Variants in TTC1 observed in about 807,000 individuals in gnomAD.
The protein encoded by TTC1 is tetratricopeptide repeat protein 1.
In TTC1, 31 loss-of-function variants were observed where a neutral mutation model predicts 37.6. The observed-to-expected ratio is 0.82, with a 90% CI of 0.62 to 1.11. The LOEUF is 1.11. Among genes scored for constraint, TTC1 ranks in the 50% most tolerant of loss-of-function variants. The pLI is 0.00. For synonymous variants in TTC1, 127 were observed against 122.4 expected, an observed-to-expected ratio of 1.04 and a Z score of -0.25; for missense variants, 351 against 339.0, an observed-to-expected ratio of 1.04 and a Z score of -0.28.
rs1420939525 is a variant in TTC1 at position 160,065,104 on chromosome 5, T to A, written c.*39T>A. On this transcript the variant is annotated 3_prime_UTR_variant, in exon 8 of 8. Coordinates refer to ENST00000231238, the MANE Select transcript of TTC1 (RefSeq NM_003314.3). ...AGCTTTACAAGCTGACTTGGAATTG[T>A]GTGCTGCTTGCTGTTAGCTAGGGGA... 1.9e-6 allele frequency: 3 copies of A among 1,596,266 alleles called. No homozygotes were observed. The East Asian group carries it at 6.7e-5, about 36-fold the overall frequency.
chr5:160,017,629 C>T (rs531279688), intron 2 of TTC1, among the ~76,000 whole-genome samples: 85 of 152,290 alleles, frequency 5.6e-4, no homozygotes, highest in African/African-American at 2.0e-3. Flanking sequence ...ATAAGAAAAT[C>T]GCCTTTTATG....
chr5:160,029,481 C>CAAA (rs61227502), intron 2 of TTC1, among the ~76,000 whole-genome samples: 11,955 of 79,612 alleles, frequency 0.15, 721 homozygotes, highest in Admixed American at 0.24. Context: ...CCCATCTCTA[C>CAAA]AAAAAAAAAA....
intron 5 of TTC1, among the ~76,000 whole-genome samples, chr5:160,046,929 T>C (rs569030221): frequency 1.3e-5 from 2 of 152,066 alleles, no homozygotes; most frequent in African/African-American, 4.8e-5. Flanking sequence ...GGAGAATCAC[T>C]TGAACCTGGG....
rs1486641694 is a variant in TTC1 at position 160,043,172 on chromosome 5, A to T, written c.541+3A>T. ...GGCCATCAATGACTGCAGCAAAGGT[A>T]CAGCTTTATTATCTTATTACATGTT... On this transcript the variant is annotated splice_donor_region_variant and intron_variant, in intron 5 of 7. Transcript: ENST00000231238. 6.2e-7 allele frequency: 1 copy of T among 1,613,580 alleles called. No individual in the cohort carries two copies.
chr5:160,045,809 C>G (rs1433050138), intron 5 of TTC1, among the ~76,000 whole-genome samples: 2 of 152,026 alleles, frequency 1.3e-5, no homozygotes, highest in Non-Finnish European at 2.9e-5. Flanking sequence ...GTGGTGCCAT[C>G]TTGGCTCACT....
At chr5:160,053,801 C>T (rs1757471228) in intron 7 of TTC1, among the ~76,000 whole-genome samples, 1 of 152,160 alleles carries the variant, frequency 6.6e-6, no homozygotes, top group Admixed American at 6.6e-5. Flanking sequence ...TATTCTTTAA[C>T]TTGTTTTTTC....
At chr5:160,051,301 C>A in intron 7 of TTC1, 118 bp downstream of exon 7, 1 of 762,560 alleles carries the variant, frequency 1.3e-6, no homozygotes, top group Non-Finnish European at 2.0e-6. Flanking sequence ...CACAAGGCTA[C>A]TGACTTCTGA....
intron 7 of TTC1, among the ~76,000 whole-genome samples, chr5:160,052,235 C>T (rs184005374): frequency 2.1e-4 from 32 of 152,260 alleles, no homozygotes; most frequent in African/African-American, 7.0e-4. Context: ...TGGCCAGGCA[C>T]GGTGGCTCCT....
intron 2 of TTC1, chr5:160,024,117 A>G (rs978623314): frequency 2.2e-5 from 16 of 716,094 alleles, no homozygotes; most frequent in Admixed American, 6.9e-5. Context: ...TGCTGTGTAC[A>G]TAGCACAGTG....
At chr5:160,020,113 GA>G (rs1272561565) in intron 2 of TTC1, among the ~76,000 whole-genome samples, 1 of 151,868 alleles carries the variant, frequency 6.6e-6, no homozygotes, top group Middle Eastern at 3.2e-3. Flanking sequence ...ATTTTTAGTA[GA>G]GACGGAGTTT....
chr5:160,054,569 A>G (rs1244443182), intron 7 of TTC1, among the ~76,000 whole-genome samples: 1 of 152,142 alleles, frequency 6.6e-6, no homozygotes, highest in Non-Finnish European at 1.5e-5. Context: ...CGATGGTACC[A>G]GCCTGGGCAA....
chr5:160,060,898 A>G (rs550481509), intron 7 of TTC1, among the ~76,000 whole-genome samples: 35 of 152,366 alleles, frequency 2.3e-4, no homozygotes, highest in Admixed American at 3.9e-4. Context: ...AGCATTGTAG[A>G]AATTTTAATG....
At chr5:160,064,907 T>C in intron 7 of TTC1, 25 bp from the exon 8 acceptor site, 1 of 1,603,028 alleles carries the variant, frequency 6.2e-7, no homozygotes, top group Non-Finnish European at 8.5e-7. Flanking sequence ...CTGTATTCAT[T>C]TGAGTTTTTG....
rs981924743 is a variant in TTC1 at position 160,025,847 on chromosome 5, C to T, written c.331-9293C>T. Among the ~76,000 whole-genome samples the T allele has an allele frequency of 3.3e-5, 5 of 152,212 alleles. 1 individual carries two copies. Among genetic ancestry groups the T allele is most frequent in the South Asian group, 4.1e-4 (2 of 4,834 alleles). ...CTGGGCTCAAGCGATTCTCCCACCT[C>T]AGTCCCTCAAGTACTTGGGACTATA... On this transcript the variant is annotated intron_variant, in intron 2 of 7. Coordinates refer to ENST00000231238, the MANE Select transcript of TTC1 (RefSeq NM_003314.3).
chr5:160,063,911 G>A (rs1753512509), intron 7 of TTC1, among the ~76,000 whole-genome samples: 1 of 151,324 alleles, frequency 6.6e-6, no homozygotes, highest in Non-Finnish European at 1.5e-5. Flanking sequence ...CAAAGTGCTG[G>A]GAATACAGGC....
Position 160,023,707 on chromosome 5 carries a change from G to GCCT in TTC1, c.331-11432_331-11430dup, listed in dbSNP as rs1341891395. The GCCT allele has an allele frequency of 8.2e-6, 13 of 1,577,812 alleles. No individual in the cohort carries two copies. In the African/African-American group the frequency reaches 1.8e-4, roughly 21 times the overall value. On this transcript the variant is annotated intron_variant, in intron 2 of 7. Transcript: ENST00000231238. The stretch of plus-strand genomic sequence containing the variant: ...GTGTGCACAAGGCATGTCACATGTT[G>GCCT]CCTAATCTTTCCACTCCTATGTGCT...
chr5:160,063,484 GGATTAC>G (rs1317692181), intron 7 of TTC1: 1 of 152,668 alleles, frequency 6.6e-6, no homozygotes, highest in East Asian at 1.9e-4. Flanking sequence ...CAAAGTGCTG[GGATTAC>G]AGGTGTGAGC....
chr5:160,025,966 A>G (rs1459002910), intron 2 of TTC1, among the ~76,000 whole-genome samples: 1 of 152,224 alleles, frequency 6.6e-6, no homozygotes, highest in Non-Finnish European at 1.5e-5. Flanking sequence ...GATCATAAGG[A>G]TTAAATGATT....
In TTC1 at chr5:160,015,569, A is replaced by G. The variant is rs543476010; in HGVS notation, c.330+4711A>G. On this transcript the variant is annotated intron_variant, in intron 2 of 7. Transcript: ENST00000231238. ...AGGTTGATGAGCACATGGAAGTGTT[A>G]AGAGGGTAGCACCCAGAGAGGGCGT... Among the ~76,000 whole-genome samples the G allele has an allele frequency of 2.0e-5, 3 of 152,326 alleles. No individual in the cohort carries two copies. The East Asian group carries it at 5.8e-4, about 29-fold the overall frequency.
Sources: allele counts gnomAD v4.1 joint callset (sites outside exome capture counted in the v4.1 genomes callset), GRCh38; gene constraint gnomAD v4.1.1; transcripts MANE v1.5; gene names NCBI Gene and HGNC (gene_info 2026-07-23, HGNC 2026-07-21).